Variants in CTTN observed in about 807,000 individuals in gnomAD.
CTTN encodes the protein cortactin.
Under a neutral mutation model 84.0 loss-of-function variants are expected in CTTN, and 28 were observed. That is an observed-to-expected ratio of 0.33 (90% confidence interval 0.25 to 0.46). The LOEUF (loss-of-function observed/expected upper bound fraction) is 0.46. Among genes scored for constraint, CTTN ranks in the 20% least tolerant of loss-of-function variants. The probability of loss-of-function intolerance (pLI) is 1.00; values close to 1 mark genes in which losing one functional copy is unlikely to be tolerated. For missense variants in CTTN, 641 were observed against 723.8 expected (o/e 0.89, Z 1.31); for synonymous variants, 301 against 288.8 (o/e 1.04, Z -0.43).
chr11:70,432,622 T>C (rs973931455), intron 15 of CTTN, among the ~76,000 whole-genome samples: 1 of 152,262 alleles, frequency 6.6e-6, no homozygotes, highest in Non-Finnish European at 1.5e-5. Context: ...GGCGATGCCC[T>C]GTCTGTAGGC....
Position 70,407,325 on chromosome 11 carries a change from G to C in CTTN, c.28G>C (p.Val10Leu), listed in dbSNP as rs2058052302. Residue 10 changes from valine to leucine, a missense_variant, in exon 3 of 18, where the codon GTG (valine) becomes CTG (leucine). Transcript: ENST00000301843. Reference protein sequence around the residue: MWKASAGHAVSIAQDDAGAD... With the variant: MWKASAGHALSIAQDDAGAD... ...GTGGAAAGCTTCAGCAGGCCACGCT[G>C]TGTCCATCGCCCAGGATGACGCGGG... 1 of 1,555,308 alleles carries C rather than the reference G, an allele frequency of 6.4e-7. No homozygotes were observed. Among genetic ancestry groups the C allele is most frequent in the Non-Finnish European group, 8.7e-7 (1 of 1,149,484 alleles).
intron 15 of CTTN, among the ~76,000 whole-genome samples, chr11:70,432,521 G>A (rs2058364463): frequency 6.6e-6 from 1 of 152,264 alleles, no homozygotes. Flanking sequence ...GTGATAAGCA[G>A]TTCAGAATTT....
chr11:70,435,718 T>A lies in CTTN; in HGVS notation c.*556T>A. 6.3e-7 allele frequency: 1 copy of A among 1,598,062 alleles called. No homozygotes were observed. The highest frequency in any genetic ancestry group is 8.5e-7 in the Non-Finnish European group (1 of 1,179,690). On this transcript the variant is annotated 3_prime_UTR_variant, in exon 18 of 18. Coordinates refer to ENST00000301843, the MANE Select transcript of CTTN (RefSeq NM_005231.4). The stretch of plus-strand genomic sequence containing the variant: ...ATGTCAGATGGGAAATCTGCCTATG[T>A]CATACCGTGACAGCCCGCAGGATCA...
intron 7 of CTTN, 148 bp from the exon 8 acceptor site, chr11:70,416,865 G>A: frequency 1.5e-6 from 1 of 661,194 alleles, no homozygotes. Context: ...CACCTGTATG[G>A]AGCAGTGGGT....
At chr11:70,431,676 C>T (rs1165570726) in intron 15 of CTTN, among the ~76,000 whole-genome samples, 1 of 152,168 alleles carries the variant, frequency 6.6e-6, no homozygotes, top group African/African-American at 2.4e-5. Context: ...TGAGCCCCTG[C>T]CTCCCGCACA....
At chr11:70,415,930 A>G (rs140641031) in intron 7 of CTTN, 82 of 558,894 alleles carry the variant, frequency 1.5e-4, no homozygotes, top group Admixed American at 2.2e-4. Context: ...TGATGGATGT[A>G]TTCCCCGTTA....
chr11:70,435,180 C>T lies in CTTN; in HGVS notation c.*18C>T, dbSNP rs747909707. 76 of 1,595,794 alleles carry T rather than the reference C, an allele frequency of 4.8e-5. No individual in the cohort carries two copies. The East Asian group carries it at 5.4e-4, about 11-fold the overall frequency. Reference sequence around the variant, plus strand: ...GGCAGTAGGGCCCCCAGCCCCCCCCCGGAGCTGCGCCCTGGATCCTCACAC... The same window carrying T: ...GGCAGTAGGGCCCCCAGCCCCCCCCTGGAGCTGCGCCCTGGATCCTCACAC... On this transcript the variant is annotated 3_prime_UTR_variant, in exon 18 of 18. Coordinates refer to ENST00000301843, the MANE Select transcript of CTTN (RefSeq NM_005231.4).
At chr11:70,421,441 T>G in intron 10 of CTTN, 29 bp from the exon 11 acceptor site, 1 of 1,497,762 alleles carries the variant, frequency 6.7e-7, no homozygotes, top group Non-Finnish European at 9.3e-7. Flanking sequence ...TTTTGGTTGT[T>G]TTCCCCACCG....
At chr11:70,418,323 T>C (rs2058187254) in intron 8 of CTTN, among the ~76,000 whole-genome samples, 1 of 152,244 alleles carries the variant, frequency 6.6e-6, no homozygotes, top group Non-Finnish European at 1.5e-5. Context: ...TCTGCCTCTT[T>C]CCTGGGAACA....
At chr11:70,426,750 G>C (rs866944447) in intron 13 of CTTN, among the ~76,000 whole-genome samples, 4 of 151,812 alleles carry the variant, frequency 2.6e-5, no homozygotes, top group African/African-American at 7.2e-5. Context: ...CACCACGCCC[G>C]GCTAATTTTT....
chr11:70,421,358 A>G, intron 10 of CTTN, 112 bp from the exon 11 acceptor site: 1 of 789,770 alleles, frequency 1.3e-6, no homozygotes, highest in Non-Finnish European at 2.2e-6. Context: ...AGCTCAGGAG[A>G]GCCCTTGCTT....
rs1054381 is a variant in CTTN, at chr11:70,436,060, C to G, written c.*898C>G. ...CCATGTCACAGCATGGCCTCTCGGC[C>G]TTGGGAAGGAAGGCAGTGCCTGCTC... On this transcript the variant is annotated 3_prime_UTR_variant, in exon 18 of 18. Transcript: ENST00000301843. 1 of 1,426,128 alleles carries G rather than the reference C, an allele frequency of 7.0e-7. No individual in the cohort carries two copies. The highest frequency in any genetic ancestry group is 2.5e-5 in the East Asian group (1 of 39,382). 88.3% of individuals were successfully genotyped at this position (1,426,128 alleles called of 1,614,324 possible).
Position 70,434,696 on chromosome 11 carries a change from C to G in CTTN, c.1517-330C>G, listed in dbSNP as rs7933041. ...GCCTCCGCAGCCCATCTCCCCACCC[C>G]CTCCACAGACACGTCTGCCAGAGAG... On this transcript the variant is annotated intron_variant, in intron 17 of 17. Transcript: ENST00000301843. Among the ~76,000 whole-genome samples the G allele has an allele frequency of 3.5e-3, 535 of 152,362 alleles. 8 individuals are homozygous for G. The highest frequency in any genetic ancestry group is 0.012 in the African/African-American group (516 of 41,596).
At chr11:70,402,549 G>T (rs2057999170) in intron 1 of CTTN, among the ~76,000 whole-genome samples, 1 of 152,190 alleles carries the variant, frequency 6.6e-6, no homozygotes, top group African/African-American at 2.4e-5. Flanking sequence ...CTGTAGATTT[G>T]TGAACTCCAG....
chr11:70,436,527 G>T lies in CTTN; in HGVS notation c.*1365G>T. 2.4e-6 allele frequency: 2 copies of T among 823,916 alleles called. No homozygotes were observed. The highest frequency in any genetic ancestry group is 3.4e-5 in the South Asian group (2 of 58,778). The allele number at this position is 823,916 out of a possible 1,614,324, so 51.0% of individuals were successfully genotyped here. On this transcript the variant is annotated 3_prime_UTR_variant, in exon 18 of 18. Coordinates refer to ENST00000301843, the MANE Select transcript of CTTN (RefSeq NM_005231.4). ...TGAATTCCTGTAGCACACCTCATAG[G>T]TATGATTTTTTTAAATTAAAGAATT... is the stretch of plus-strand genomic sequence containing the variant.
In CTTN at chr11:70,409,816, A is replaced by G. The variant is rs909806996; in HGVS notation, c.162-15A>G. The G allele has an allele frequency of 1.9e-6, 3 of 1,613,432 alleles. No homozygotes were observed. The highest frequency in any genetic ancestry group is 2.7e-5 in the African/African-American group (2 of 74,886). The stretch of plus-strand genomic sequence containing the variant: ...GTTTTATTGATCTGTTCCTATTTTC[A>G]TCTCTTCCATCAAGCATACACAAGC... On this transcript the variant is annotated splice_polypyrimidine_tract_variant and intron_variant, in intron 4 of 17. Transcript: ENST00000301843.
intron 4 of CTTN, among the ~76,000 whole-genome samples, chr11:70,409,224 T>C (rs1480911191): frequency 6.6e-6 from 1 of 152,212 alleles, no homozygotes; most frequent in Non-Finnish European, 1.5e-5. Context: ...GTGGCCTTCT[T>C]ATCACTCTGG....
At chr11:70,420,176 C>A (rs894430906) in intron 9 of CTTN, 23 of 599,996 alleles carry the variant, frequency 3.8e-5, no homozygotes, top group Middle Eastern at 4.1e-4. Context: ...TCCATGGGGT[C>A]CTGTCTGGCT....
chr11:70,420,528 G>A lies in CTTN; in HGVS notation c.790+18G>A. The A allele has an allele frequency of 6.4e-7, 1 of 1,570,764 alleles. No individual in the cohort carries two copies. ...CCAAAAAGGTACATTCACTCTGCCT[G>A]TATGCGAGATGGTTTTAGAAGTTTG... On this transcript the variant is annotated intron_variant, in intron 10 of 17. Transcript: ENST00000301843.
Sources: gnomAD v4.1 joint callset for allele counts (sites outside exome capture counted in the v4.1 genomes callset) on GRCh38, gnomAD v4.1.1 for gene constraint, MANE v1.5 for transcripts, NCBI Gene and HGNC (gene_info 2026-07-23, HGNC 2026-07-21) for gene names.